LRBA: variants seen among roughly 807,000 people sequenced by gnomAD.
LRBA encodes the protein LPS responsive beige-like anchor protein.
Under a neutral mutation model 330.0 loss-of-function variants are expected in LRBA, and 176 were observed. The ratio of observed to expected loss-of-function variants is 0.53; its 90% CI spans 0.47 to 0.60. LRBA has a LOEUF of 0.60. LRBA is among the 20% of genes least tolerant of loss of function. The pLI is 0.00. For missense variants in LRBA, 3,259 were observed against 3,444.8 expected (o/e 0.95, Z 1.35); for synonymous variants, 1,230 against 1,193.0 (o/e 1.03, Z -0.64).
chr4:150,682,057 GT>G (rs1486850575), intron 37 of LRBA, among the ~76,000 whole-genome samples: 19 of 152,104 alleles, frequency 1.2e-4, no homozygotes, highest in African/African-American at 4.3e-4. Flanking sequence ...CTTGACATAA[GT>G]TATCTAAATG....
intron 47 of LRBA, among the ~76,000 whole-genome samples, chr4:150,392,462 C>T (rs908250577): frequency 1.3e-5 from 2 of 152,066 alleles, no homozygotes; most frequent in African/African-American, 4.8e-5. Flanking sequence ...GCTCCAATAC[C>T]CTCACAATGT....
At chr4:150,538,012 C>G (rs1160392866) in intron 40 of LRBA, among the ~76,000 whole-genome samples, 2 of 151,910 alleles carry the variant, frequency 1.3e-5, no homozygotes, top group Non-Finnish European at 2.9e-5. Flanking sequence ...GTCCAATGTG[C>G]AACCAACAAA....
intron 17 of LRBA, among the ~76,000 whole-genome samples, chr4:150,890,967 C>A (rs1164045769): frequency 6.6e-6 from 1 of 152,012 alleles, no homozygotes; most frequent in Non-Finnish European, 1.5e-5. Context: ...CACTAAAGCA[C>A]ATCCACACAA....
At position 150,940,584 on chromosome 4, in the gene LRBA, T is replaced by A. The variant is rs545601843; in HGVS notation, c.217-11519A>T. Among the ~76,000 whole-genome samples, 4 of 152,326 alleles carry A rather than the reference T, an allele frequency of 2.6e-5. No individual in the cohort carries two copies. The East Asian group carries it at 7.7e-4, about 29-fold the overall frequency. ...CTTTTTAAGTACTTTTTAATACTTTTAAGTACTTTTATATATTTTACACAT... is the reference window on the plus strand; with the variant it reads ...CTTTTTAAGTACTTTTTAATACTTTAAAGTACTTTTATATATTTTACACAT... On this transcript the variant is annotated intron_variant, in intron 2 of 56. Transcript: ENST00000651943.
intron 40 of LRBA, among the ~76,000 whole-genome samples, chr4:150,566,308 T>C (rs1490575470): frequency 1.3e-5 from 2 of 152,134 alleles, no homozygotes; most frequent in East Asian, 3.9e-4. Flanking sequence ...TATAACTAAT[T>C]TTATTACTAC....
chr4:150,587,660 T>G (rs1370867656), intron 40 of LRBA, among the ~76,000 whole-genome samples: 1 of 152,014 alleles, frequency 6.6e-6, no homozygotes, highest in African/African-American at 2.4e-5. Flanking sequence ...GCAAGGAGAG[T>G]GATATATTGG....
At chr4:151,009,934 C>T (rs1744618472) in intron 2 of LRBA, among the ~76,000 whole-genome samples, 3 of 151,956 alleles carry the variant, frequency 2.0e-5, no homozygotes, top group South Asian at 4.2e-4. Flanking sequence ...GAGCCGAGAT[C>T]GCGCCACTGC....
intron 40 of LRBA, among the ~76,000 whole-genome samples, chr4:150,570,468 GA>G (rs746161654): frequency 2.9e-4 from 44 of 152,194 alleles, no homozygotes; most frequent in Middle Eastern, 3.4e-3. Context: ...AGATGTATAT[GA>G]AAAAATATGA....
intron 52 of LRBA, among the ~76,000 whole-genome samples, chr4:150,305,715 TTTA>T (rs2126861534): frequency 6.6e-6 from 1 of 152,318 alleles, no homozygotes; most frequent in Non-Finnish European, 1.5e-5. Flanking sequence ...TCTAAAGGGT[TTTA>T]TATGTTAACA....
intron 37 of LRBA, among the ~76,000 whole-genome samples, chr4:150,641,088 A>AT (rs1267770596): frequency 1.3e-5 from 2 of 152,142 alleles, no homozygotes; most frequent in African/African-American, 2.4e-5. Context: ...TCCGTCTGGA[A>AT]TTCACATACT....
At chr4:150,551,706 CCT>C (rs1203321847) in intron 40 of LRBA, among the ~76,000 whole-genome samples, 2 of 151,804 alleles carry the variant, frequency 1.3e-5, no homozygotes, top group African/African-American at 4.8e-5. Context: ...AGGAATACAC[CCT>C]GATTGAAATA....
At chr4:150,804,484 C>T (rs1742251305) in intron 33 of LRBA, among the ~76,000 whole-genome samples, 1 of 152,136 alleles carries the variant, frequency 6.6e-6, no homozygotes, top group Admixed American at 6.5e-5. Context: ...CTACCTATAA[C>T]CTTGCATTTC....
intron 2 of LRBA, among the ~76,000 whole-genome samples, chr4:151,007,254 C>A (rs1048380197): frequency 3.3e-5 from 5 of 152,186 alleles, no homozygotes; most frequent in Admixed American, 3.3e-4. Context: ...GTAATCCCAG[C>A]ACCTTGGGAG....
At chr4:150,507,143 C>T (rs1275993520) in intron 40 of LRBA, among the ~76,000 whole-genome samples, 7 of 151,274 alleles carry the variant, frequency 4.6e-5, no homozygotes, top group Non-Finnish European at 8.9e-5. Flanking sequence ...ATGAAAATGG[C>T]CATACTGCCC....
chr4:150,816,133 G>A (rs1290192831), intron 31 of LRBA, among the ~76,000 whole-genome samples: 2 of 151,880 alleles, frequency 1.3e-5, no homozygotes, highest in Non-Finnish European at 2.9e-5. Context: ...ATGCTAATTT[G>A]CCAAATAAAG....
At chr4:150,623,699 G>C (rs529066418) in intron 37 of LRBA, among the ~76,000 whole-genome samples, 5 of 151,856 alleles carry the variant, frequency 3.3e-5, no homozygotes, top group African/African-American at 1.2e-4. Flanking sequence ...CAATGAGAAT[G>C]CATTTCTATA....
intron 48 of LRBA, 30 bp downstream of exon 48, chr4:150,349,962 T>C (rs1736915462): frequency 1.2e-6 from 2 of 1,604,382 alleles, no homozygotes; most frequent in South Asian, 1.1e-5. Context: ...TACCTGACTA[T>C]AAGTTGCTTT....
chr4:151,000,032 A>G (rs555488735), intron 2 of LRBA, among the ~76,000 whole-genome samples: 1 of 152,364 alleles, frequency 6.6e-6, no homozygotes, highest in East Asian at 1.9e-4. Flanking sequence ...AATTAGGCAC[A>G]GTAAGAGATT....
intron 43 of LRBA, among the ~76,000 whole-genome samples, chr4:150,469,298 A>G (rs1053068072): frequency 5.3e-5 from 8 of 152,160 alleles, no homozygotes; most frequent in African/African-American, 1.7e-4. Context: ...TGTAAAAGAA[A>G]TCTTAAGTGA....
Sources: gnomAD v4.1 joint callset for allele counts (sites outside exome capture counted in the v4.1 genomes callset) on GRCh38, gnomAD v4.1.1 for gene constraint, MANE v1.5 for transcripts, NCBI Gene and HGNC (gene_info 2026-07-23, HGNC 2026-07-21) for gene names.